Variants in C13orf46 observed in about 807,000 individuals in gnomAD.
The protein encoded by C13orf46 is chromosome 13 open reading frame 46.
intron 1 of C13orf46, among the ~76,000 whole-genome samples, 179 bp downstream of exon 1, chr13:113,973,629 C>T (rs555963841): frequency 1.3e-4 from 20 of 152,328 alleles, no homozygotes; most frequent in Middle Eastern, 3.4e-3. Flanking sequence ...GACGTCAGGC[C>T]GTGCCCCGCC....
At position 113,962,539 on chromosome 13, in the gene C13orf46, T is replaced by C. The variant is rs1222514191; in HGVS notation, c.572+2388A>G. On this transcript the variant is annotated intron_variant, in intron 6 of 6. Transcript: ENST00000636427. ...TTCCTGGGCGGGAACCTCCCGGTAT[T>C]GGGAAATCAGCATTGGGTCTTGTAA... 3.9e-5 allele frequency among the ~76,000 whole-genome samples: 6 copies of C among 152,330 alleles called. No individual in the cohort carries two copies. In the East Asian group the frequency reaches 1.2e-3, roughly 29 times the overall value.
the C13orf46 span, among the ~76,000 whole-genome samples, chr13:113,934,585 G>T: frequency 3.3e-5 from 5 of 152,272 alleles, no homozygotes; most frequent in African/African-American, 1.2e-4. Context: ...AAGAAAGATT[G>T]TGTGTGCTGT....
chr13:113,937,715 G>A, the C13orf46 span, among the ~76,000 whole-genome samples: 49 of 152,248 alleles, frequency 3.2e-4, no homozygotes, highest in African/African-American at 1.1e-3. Context: ...CCGGAAAGGC[G>A]GGACAGATGG....
chr13:113,928,028 G>T, the C13orf46 span: 2 of 179,548 alleles, frequency 1.1e-5, no homozygotes, highest in Non-Finnish European at 2.3e-5. Context: ...ATGCTTGGAA[G>T]GAAAAGCATC....
the C13orf46 span, among the ~76,000 whole-genome samples, chr13:113,937,899 C>T: frequency 2.6e-5 from 4 of 152,292 alleles, no homozygotes; most frequent in Admixed American, 1.3e-4. Flanking sequence ...GTTTGTCTCA[C>T]GGGAGCAGTG....
intron 4 of C13orf46, among the ~76,000 whole-genome samples, chr13:113,968,127 C>T (rs939663327): frequency 6.6e-6 from 1 of 152,240 alleles, no homozygotes; most frequent in Admixed American, 6.5e-5. Context: ...AGAACCCCCA[C>T]AGCATGACGT....
chr13:113,930,341 TG>T, the C13orf46 span, among the ~76,000 whole-genome samples: 1 of 137,036 alleles, frequency 7.3e-6, no homozygotes, highest in African/African-American at 2.8e-5. Context: ...GGGGTGGGAG[TG>T]GAGGAGCACC....
chr13:113,950,221 C>T (rs1234575504), downstream of C13orf46, among the ~76,000 whole-genome samples: 18 of 136,716 alleles, frequency 1.3e-4, no homozygotes, highest in African/African-American at 4.5e-4. Flanking sequence ...TTGGGAACCT[C>T]GGTGCTCCCA....
intron 5 of C13orf46, among the ~76,000 whole-genome samples, chr13:113,967,134 G>A (rs1041577856): frequency 1.3e-5 from 2 of 152,176 alleles, no homozygotes; most frequent in East Asian, 1.9e-4. Context: ...GAGTTGGAGT[G>A]TGGGAGGGTA....
downstream of C13orf46, among the ~76,000 whole-genome samples, chr13:113,948,941 A>G (rs1027291523): frequency 5.3e-5 from 8 of 152,186 alleles, no homozygotes; most frequent in Non-Finnish European, 1.0e-4. Context: ...TACCCTAATG[A>G]GGTGACTCTT....
chr13:113,940,029 C>T, the C13orf46 span, among the ~76,000 whole-genome samples: 27 of 152,294 alleles, frequency 1.8e-4, no homozygotes, highest in East Asian at 7.7e-4. Context: ...GGGTGGCAGC[C>T]GTGATCAGGG....
chr13:113,954,763 G>C lies in C13orf46; in HGVS notation c.*2010C>G, dbSNP rs1200360180. Reference sequence around the variant, plus strand: ...ACTGAGCAAGAGGCCAGGGCAGGAAGGGGCTGGAGTCCTCCAGCTGGTGGA... The same window carrying C: ...ACTGAGCAAGAGGCCAGGGCAGGAACGGGCTGGAGTCCTCCAGCTGGTGGA... On this transcript the variant is annotated 3_prime_UTR_variant, in exon 7 of 7. Coordinates refer to ENST00000636427, the MANE Select transcript of C13orf46 (RefSeq NM_001365455.2). The C allele has an allele frequency of 5.3e-6, 1 of 188,932 alleles. No homozygotes were observed. The highest frequency in any genetic ancestry group is 2.4e-5 in the African/African-American group (1 of 41,772). 11.7% of individuals were successfully genotyped at this position (188,932 alleles called of 1,614,324 possible). A position where few individuals can be genotyped will look rare whatever the true frequency, so the allele number is the denominator to read the frequency against.
chr13:113,951,281 G>C (rs913321177), downstream of C13orf46, among the ~76,000 whole-genome samples: 1 of 152,138 alleles, frequency 6.6e-6, no homozygotes, highest in Non-Finnish European at 1.5e-5. Context: ...TGAGCCCTCA[G>C]CACCGGGGCC....
intron 6 of C13orf46, among the ~76,000 whole-genome samples, chr13:113,964,277 T>C (rs1209221573): frequency 6.6e-6 from 1 of 152,260 alleles, no homozygotes; most frequent in Non-Finnish European, 1.5e-5. Flanking sequence ...TTTTTGTGTG[T>C]TGCTTAAAAT....
At chr13:113,943,420 T>C in the C13orf46 span, among the ~76,000 whole-genome samples, 1 of 152,206 alleles carries the variant, frequency 6.6e-6, no homozygotes, top group African/African-American at 2.4e-5. Context: ...GGACAATTGG[T>C]TACATTTATC....
the C13orf46 span, among the ~76,000 whole-genome samples, chr13:113,944,010 G>A: frequency 6.6e-6 from 1 of 152,182 alleles, no homozygotes; most frequent in Non-Finnish European, 1.5e-5. Context: ...ATCCCGACAG[G>A]AAGGAATGCG....
downstream of C13orf46, among the ~76,000 whole-genome samples, chr13:113,952,915 C>A (rs1361629041): frequency 6.6e-6 from 1 of 152,366 alleles, no homozygotes; most frequent in East Asian, 1.9e-4. Context: ...CCGGCCTCAG[C>A]AGCATCAACC....
chr13:113,950,680 T>C (rs938184717), downstream of C13orf46, among the ~76,000 whole-genome samples: 15 of 152,180 alleles, frequency 9.9e-5, no homozygotes, highest in South Asian at 2.1e-4. Context: ...CCTCTGCCCC[T>C]GTGTGCACCA....
At chr13:113,969,040 G>GC (rs2052677253) in intron 2 of C13orf46, among the ~76,000 whole-genome samples, 1 of 152,262 alleles carries the variant, frequency 6.6e-6, no homozygotes, top group Non-Finnish European at 1.5e-5. Context: ...ATTTTGGAAA[G>GC]CAGGGTCTAA....
Sources: allele counts gnomAD v4.1 joint callset (sites outside exome capture counted in the v4.1 genomes callset), GRCh38; gene constraint gnomAD v4.1.1; transcripts MANE v1.5; gene names NCBI Gene and HGNC (gene_info 2026-07-23, HGNC 2026-07-21).